Variants in ACSL3 observed in about 807,000 individuals in gnomAD.
ACSL3 encodes fatty acid CoA ligase Acsl3.
A neutral mutation model predicts 84.7 loss-of-function variants in ACSL3; 34 were observed. The ratio of observed to expected loss-of-function variants is 0.40; its 90% confidence interval spans 0.31 to 0.53. The LOEUF is 0.53. ACSL3 is among the 20% of genes least tolerant of loss of function. The probability of loss-of-function intolerance (pLI) is 0.48; values close to 1 mark genes in which losing one functional copy is unlikely to be tolerated. For synonymous variants in ACSL3, 315 were observed against 299.4 expected, an observed-to-expected ratio of 1.05 and a Z score of -0.54; for missense variants, 680 against 873.1, an observed-to-expected ratio of 0.78 and a Z score of 2.79.
At chr2:222,899,857 G>A (rs911215309) in intron 2 of ACSL3, among the ~76,000 whole-genome samples, 3 of 151,962 alleles carry the variant, frequency 2.0e-5, no homozygotes, top group African/African-American at 4.8e-5. Context: ...TCCAGATATC[G>A]GGATATCTGG....
chr2:222,899,509 A>C (rs1368799893), intron 2 of ACSL3, among the ~76,000 whole-genome samples: 1 of 152,126 alleles, frequency 6.6e-6, no homozygotes, highest in Admixed American at 6.5e-5. Flanking sequence ...AAAAAGAGAA[A>C]GATAATGTTA....
intron 16 of ACSL3, among the ~76,000 whole-genome samples, chr2:222,937,063 T>A (rs1697191818): frequency 1.3e-5 from 2 of 152,156 alleles, no homozygotes; most frequent in African/African-American, 4.8e-5. Flanking sequence ...CTAAACCTTA[T>A]CAGGACATTG....
chr2:222,902,033 A>T (rs1034711600), intron 3 of ACSL3, among the ~76,000 whole-genome samples: 1 of 152,016 alleles, frequency 6.6e-6, no homozygotes, highest in Non-Finnish European at 1.5e-5. Flanking sequence ...ACAATACCCA[A>T]ATTTAACATA....
rs117273245 is a variant in ACSL3, at chr2:222,872,933, C to T, written c.-207+11675C>T. 2.0e-5 allele frequency among the ~76,000 whole-genome samples: 3 copies of T among 151,598 alleles called. No homozygotes were observed. In the East Asian group the frequency reaches 5.8e-4, roughly 29 times the overall value. ...AGGTCTTCTGAGATGAAGCTGGATG[C>T]AAAAATAAATGGGCCACAGCATGCA... On this transcript the variant is annotated intron_variant, in intron 1 of 16. Coordinates refer to ENST00000357430, the MANE Select transcript of ACSL3 (RefSeq NM_004457.5).
At position 222,918,189 on chromosome 2, in the gene ACSL3, A is replaced by G. The variant is rs747196958; in HGVS notation, c.666+34A>G. The G allele has an allele frequency of 4.2e-6, 6 of 1,444,016 alleles. 1 individual carries two copies. The African/African-American group carries it at 8.5e-5, about 20-fold the overall frequency. The allele number at this position is 1,444,016 out of a possible 1,614,324, so 89.5% of individuals were successfully genotyped here. ...TCTAGTTACTTTCTAACTGTCTGAT[A>G]CTTTAGAATTTTCAGTGTCATGAGC... On this transcript the variant is annotated intron_variant, in intron 6 of 16. Coordinates refer to ENST00000357430, the MANE Select transcript of ACSL3 (RefSeq NM_004457.5).
chr2:222,893,688 T>C (rs899727686), intron 2 of ACSL3, among the ~76,000 whole-genome samples: 1 of 152,054 alleles, frequency 6.6e-6, no homozygotes, highest in African/African-American at 2.4e-5. Flanking sequence ...TTTCTCTTTT[T>C]CTTCCTTCTC....
At chr2:222,923,033 A>G in intron 9 of ACSL3, 45 bp from the exon 10 acceptor site, 2 of 1,502,068 alleles carry the variant, frequency 1.3e-6, no homozygotes, top group Non-Finnish European at 1.8e-6. Context: ...TTGAATTTTA[A>G]AAATAAGGAT....
chr2:222,898,561 C>T (rs1198605632), intron 2 of ACSL3, among the ~76,000 whole-genome samples: 5 of 152,150 alleles, frequency 3.3e-5, no homozygotes, highest in Non-Finnish European at 4.4e-5. Context: ...CCATGGGCCA[C>T]ATTTAAGAAA....
intron 16 of ACSL3, among the ~76,000 whole-genome samples, chr2:222,935,509 C>T (rs1025536203): frequency 2.6e-5 from 4 of 152,172 alleles, no homozygotes; most frequent in African/African-American, 9.7e-5. Context: ...TGCCAGGCTC[C>T]AGCATTTACT....
chr2:222,903,231 G>A (rs1175586314), intron 3 of ACSL3, among the ~76,000 whole-genome samples: 3 of 152,002 alleles, frequency 2.0e-5, no homozygotes, highest in Admixed American at 1.3e-4. Flanking sequence ...TTCATCTCCT[G>A]GTCTCAAGTC....
At chr2:222,881,318 G>A (rs914675344) in intron 1 of ACSL3, among the ~76,000 whole-genome samples, 1 of 152,202 alleles carries the variant, frequency 6.6e-6, no homozygotes, top group Non-Finnish European at 1.5e-5. Context: ...TGCGGTTACC[G>A]CATTGGACAG....
At chr2:222,866,778 G>A (rs1477487274) in intron 1 of ACSL3, among the ~76,000 whole-genome samples, 2 of 22,124 alleles carry the variant, frequency 9.0e-5, no homozygotes, top group Admixed American at 1.3e-3. Context: ...CCCCCCCCCC[G>A]CCCCGGGGAA....
At chr2:222,871,716 T>G (rs776845604) in intron 1 of ACSL3, among the ~76,000 whole-genome samples, 7 of 152,120 alleles carry the variant, frequency 4.6e-5, no homozygotes, top group Non-Finnish European at 1.0e-4. Context: ...GACTAGGCTT[T>G]CAGGGGACAA....
rs73063637 is a variant in ACSL3, at chr2:222,897,986, G to A, written c.-147-2688G>A. Reference sequence around the variant, plus strand: ...TTCTTTAGAGCTCTTTCTACTTACTGTCTTTCTGCCCTTTCTTGAACCCTC... The same window carrying A: ...TTCTTTAGAGCTCTTTCTACTTACTATCTTTCTGCCCTTTCTTGAACCCTC... On this transcript the variant is annotated intron_variant, in intron 2 of 16. Transcript: ENST00000357430. Among the ~76,000 whole-genome samples the A allele has an allele frequency of 3.7e-3, 529 of 143,678 alleles. 158 individuals are homozygous for A. Among genetic ancestry groups the A allele is most frequent in the African/African-American group, 0.015 (497 of 33,806 alleles). The allele number at this position is 143,678 out of a possible 152,430, so 94.3% of individuals were successfully genotyped here.
chr2:222,899,817 T>G (rs1696090957), intron 2 of ACSL3, among the ~76,000 whole-genome samples: 3 of 152,330 alleles, frequency 2.0e-5, no homozygotes, highest in Admixed American at 2.0e-4. Context: ...CAATGTTATC[T>G]TTAAAGCAAA....
chr2:222,864,072 A>G (rs1695078514), intron 1 of ACSL3, among the ~76,000 whole-genome samples: 1 of 152,200 alleles, frequency 6.6e-6, no homozygotes, highest in African/African-American at 2.4e-5. Context: ...AAAAATTGTC[A>G]GGATATGGTG....
At chr2:222,902,600 C>T (rs1490033425) in intron 3 of ACSL3, among the ~76,000 whole-genome samples, 1 of 152,108 alleles carries the variant, frequency 6.6e-6, no homozygotes, top group Non-Finnish European at 1.5e-5. Context: ...CAGCTAAATC[C>T]AGGTTCTTGT....
intron 1 of ACSL3, among the ~76,000 whole-genome samples, chr2:222,877,779 GC>G (rs1695488063): frequency 6.6e-6 from 1 of 152,174 alleles, no homozygotes; most frequent in Non-Finnish European, 1.5e-5. Context: ...TGCCCTTGAT[GC>G]ATGGATAATT....
chr2:222,886,227 T>A lies in ACSL3; in HGVS notation c.-206-1603T>A, dbSNP rs1695719052. ...ATTTGTCCTAATGTTCTCCCTCCCC[T>A]TACCCCACCCACCTACAGGCCCAAG... On this transcript the variant is annotated intron_variant, in intron 1 of 16. Transcript: ENST00000357430. 3.3e-5 allele frequency among the ~76,000 whole-genome samples: 5 copies of A among 152,096 alleles called. No homozygotes were observed. The South Asian group carries it at 1.0e-3, about 32-fold the overall frequency.
Sources: gnomAD v4.1 joint callset for allele counts (sites outside exome capture counted in the v4.1 genomes callset) on GRCh38, gnomAD v4.1.1 for gene constraint, MANE v1.5 for transcripts, NCBI Gene and HGNC (gene_info 2026-07-23, HGNC 2026-07-21) for gene names.